Variants in AIG1 observed in about 807,000 individuals in gnomAD.
The protein encoded by AIG1 is androgen-induced gene 1 protein.
Under a neutral mutation model 31.4 loss-of-function variants are expected in AIG1, and 23 were observed. That is an observed-to-expected ratio of 0.73 (90% CI 0.53 to 1.04). The LOEUF (loss-of-function observed/expected upper bound fraction) is 1.04. Ranked by LOEUF, AIG1 falls within the 50% of genes least tolerant of loss-of-function variation. The probability of loss-of-function intolerance (pLI) is 0.00; values close to 1 mark genes in which losing one functional copy is unlikely to be tolerated. For missense variants in AIG1, 274 were observed against 295.0 expected, an observed-to-expected ratio of 0.93 and a Z score of 0.52; for synonymous variants, 100 against 110.5, an observed-to-expected ratio of 0.90 and a Z score of 0.60.
intron 1 of AIG1, among the ~76,000 whole-genome samples, chr6:143,088,507 A>C (rs894375927): frequency 3.3e-5 from 5 of 152,196 alleles, no homozygotes; most frequent in African/African-American, 1.2e-4. Context: ...CAGGATGTAG[A>C]GATCACAAAA....
intron 3 of AIG1, among the ~76,000 whole-genome samples, chr6:143,222,760 A>G (rs551324780): frequency 6.6e-6 from 1 of 152,258 alleles, no homozygotes; most frequent in South Asian, 2.1e-4. Flanking sequence ...TCCTGTGAAA[A>G]GGTTCATTCA....
At chr6:143,134,859 C>T (rs145438116) in intron 1 of AIG1, among the ~76,000 whole-genome samples, 54 of 152,150 alleles carry the variant, frequency 3.5e-4, no homozygotes, top group African/African-American at 1.3e-3. Context: ...GATGATTTCT[C>T]CCAACTGCAG....
chr6:143,148,867 C>A (rs951173450), intron 2 of AIG1, among the ~76,000 whole-genome samples: 1 of 151,892 alleles, frequency 6.6e-6, no homozygotes, highest in Non-Finnish European at 1.5e-5. Flanking sequence ...CAACAACCTG[C>A]CTTTACTATG....
At chr6:143,252,835 G>T (rs1367067599) in intron 3 of AIG1, among the ~76,000 whole-genome samples, 2 of 152,212 alleles carry the variant, frequency 1.3e-5, no homozygotes, top group Non-Finnish European at 2.9e-5. Flanking sequence ...GCCAGGATTG[G>T]CATCTTATCT....
chr6:143,306,270 G>T (rs1020688322), intron 4 of AIG1, among the ~76,000 whole-genome samples: 11 of 152,006 alleles, frequency 7.2e-5, no homozygotes, highest in Non-Finnish European at 1.6e-4. Flanking sequence ...CTGTCATTTT[G>T]ATGTTAGCTG....
At chr6:143,229,675 C>T (rs1793284971) in intron 3 of AIG1, among the ~76,000 whole-genome samples, 1 of 151,732 alleles carries the variant, frequency 6.6e-6, no homozygotes, top group South Asian at 2.1e-4. Context: ...TCCCCACAGA[C>T]CACACTCCAC....
At chr6:143,306,573 G>T (rs1799328876) in intron 4 of AIG1, among the ~76,000 whole-genome samples, 5 of 152,206 alleles carry the variant, frequency 3.3e-5, no homozygotes, top group Admixed American at 2.0e-4. Context: ...GAGATCCACT[G>T]TTAGTCTGAT....
At chr6:143,241,304 C>T (rs1794221570) in intron 3 of AIG1, among the ~76,000 whole-genome samples, 1 of 152,282 alleles carries the variant, frequency 6.6e-6, no homozygotes, top group Middle Eastern at 3.4e-3. Context: ...AAACCCTGAC[C>T]CTGGTGAGCA....
In AIG1 at chr6:143,291,668, C is replaced by T. The variant is rs1276449278; in HGVS notation, c.515+7443C>T. 2.0e-5 allele frequency among the ~76,000 whole-genome samples: 3 copies of T among 152,160 alleles called. No individual in the cohort carries two copies. The highest frequency in any genetic ancestry group is 4.4e-5 in the Non-Finnish European group (3 of 68,028). ...AACCAGTCCACGTCCTCCTCTTCTA[C>T]TTCAGGGTCTTAGAGTGCATGGAAT... is the stretch of plus-strand genomic sequence containing the variant. On this transcript the variant is annotated intron_variant, in intron 4 of 5. Coordinates refer to ENST00000357847, the MANE Select transcript of AIG1 (RefSeq NM_016108.4). The surrounding 1 kb of genome is among the most constrained non-coding windows in gnomAD (Gnocchi z 4.2).
Position 143,280,066 on chromosome 6 carries a change from A to G in AIG1, c.400-4044A>G, listed in dbSNP as rs1797240558. The stretch of plus-strand genomic sequence containing the variant: ...CCTTTGGTGACTAGACTTTGTAACC[A>G]TCTCATTTATCCAAGGTGGATCTAC... On this transcript the variant is annotated intron_variant, in intron 3 of 5. Transcript: ENST00000357847. This position sits in a 1 kb window ranked among gnomAD's most constrained non-coding sequence, Gnocchi z 4.1. 6.6e-6 allele frequency among the ~76,000 whole-genome samples: 1 copy of G among 152,230 alleles called. No individual in the cohort carries two copies. The highest frequency in any genetic ancestry group is 2.4e-5 in the African/African-American group (1 of 41,458).
At chr6:143,156,588 T>C (rs1177246806) in intron 2 of AIG1, among the ~76,000 whole-genome samples, 1 of 152,236 alleles carries the variant, frequency 6.6e-6, no homozygotes, top group African/African-American at 2.4e-5. Context: ...GTTGCACTTC[T>C]ACGTGAATGG....
At chr6:143,074,234 A>G (rs1777542075) in intron 1 of AIG1, among the ~76,000 whole-genome samples, 1 of 152,172 alleles carries the variant, frequency 6.6e-6, no homozygotes, top group African/African-American at 2.4e-5. Flanking sequence ...AAAGACTTTT[A>G]GTTTGATGTA....
chr6:143,339,107 G>A (rs1484711486), intron 5 of AIG1: 1 of 152,000 alleles, frequency 6.6e-6, no homozygotes, highest in East Asian at 1.9e-4. Flanking sequence ...TAAGATTCAT[G>A]AGTATGGAAA....
At chr6:143,099,034 A>T (rs1365168317) in intron 1 of AIG1, among the ~76,000 whole-genome samples, 1 of 152,214 alleles carries the variant, frequency 6.6e-6, no homozygotes, top group Non-Finnish European at 1.5e-5. Context: ...TAACTCAAAA[A>T]ATAATAATTT....
intron 3 of AIG1, among the ~76,000 whole-genome samples, chr6:143,277,558 G>A (rs953518656): frequency 2.0e-5 from 3 of 152,208 alleles, no homozygotes; most frequent in Non-Finnish European, 2.9e-5. Flanking sequence ...TTGTCATTGG[G>A]TTATTAGAAA....
intron 2 of AIG1, among the ~76,000 whole-genome samples, chr6:143,147,882 G>C (rs1204753984): frequency 6.6e-6 from 1 of 152,152 alleles, no homozygotes; most frequent in Non-Finnish European, 1.5e-5. Flanking sequence ...TCACTTACAT[G>C]CTTGCTGTGG....
In AIG1 at chr6:143,118,774, T is replaced by C. The variant is rs1456635951; in HGVS notation, c.142-18061T>C. Among the ~76,000 whole-genome samples, 3 of 152,088 alleles carry C rather than the reference T, an allele frequency of 2.0e-5. No individual in the cohort carries two copies. In the East Asian group the frequency reaches 5.8e-4, roughly 29 times the overall value. On this transcript the variant is annotated intron_variant, in intron 1 of 5. Transcript: ENST00000357847. The stretch of plus-strand genomic sequence containing the variant: ...AGTCCTATGATCCTATTAAGAATTT[T>C]ACAACAAAGAGGGGCTTGAGTGACC...
At chr6:143,220,809 G>C (rs956328030) in intron 3 of AIG1, among the ~76,000 whole-genome samples, 8 of 152,128 alleles carry the variant, frequency 5.3e-5, no homozygotes, top group Non-Finnish European at 1.5e-5. Context: ...ATTTATTACT[G>C]GTTACCTCTA....
chr6:143,249,839 C>T (rs894997839), intron 3 of AIG1, among the ~76,000 whole-genome samples: 3 of 152,260 alleles, frequency 2.0e-5, no homozygotes, highest in Middle Eastern at 3.4e-3. Context: ...GTCATAATTC[C>T]GTATTATGCA....
Sources: allele counts gnomAD v4.1 joint callset (sites outside exome capture counted in the v4.1 genomes callset), GRCh38; gene constraint gnomAD v4.1.1; non-coding constraint Gnocchi (gnomAD v3.1); transcripts MANE v1.5; gene names NCBI Gene and HGNC (gene_info 2026-07-23, HGNC 2026-07-21).